The following SAG variants were observed in gnomAD, a reference collection of about 807,000 sequenced individuals.
SAG encodes the protein S-antigen visual arrestin, also known as S-arrestin.
SAG carries 45 observed loss-of-function variants against 55.0 expected under a neutral mutation model. That is an observed-to-expected ratio of 0.82 (90% CI 0.64 to 1.05). The LOEUF (loss-of-function observed/expected upper bound fraction) is 1.05, where lower values mean the gene tolerates loss of function less well. Among genes scored for constraint, SAG ranks in the 50% least tolerant of loss-of-function variants. The probability of loss-of-function intolerance (pLI) is 0.00; values close to 1 mark genes in which losing one functional copy is unlikely to be tolerated. For synonymous variants in SAG, 189 were observed against 197.4 expected (o/e 0.96, Z 0.36); for missense variants, 455 against 512.1 (o/e 0.89, Z 1.08).
At chr2:233,322,185 CAAAAAA>C (rs35197599) in intron 5 of SAG, among the ~76,000 whole-genome samples, 1 of 66,108 alleles carries the variant, frequency 1.5e-5, no homozygotes. Context: ...GACTCTGTCT[CAAAAAA>C]AAAAAAAAAA....
chr2:233,339,537 G>GTTTT (rs10711990), intron 12 of SAG, among the ~76,000 whole-genome samples: 4 of 129,310 alleles, frequency 3.1e-5, no homozygotes, highest in African/African-American at 1.2e-4. Flanking sequence ...TTAGCATAGT[G>GTTTT]TTTTTTTTTT....
chr2:233,315,764 G>A (rs1482223510), intron 2 of SAG, among the ~76,000 whole-genome samples: 12 of 149,750 alleles, frequency 8.0e-5, no homozygotes, highest in South Asian at 2.1e-4. Context: ...GTGCAGTGGC[G>A]TGCTCTTGGC....
Position 233,319,559 on chromosome 2 carries a change from GA to G in SAG, c.181+766del. Reference sequence around the variant, plus strand: ...GTTCAGAACCCTGGATGTGCCACTGGAATACGTCAGCTATGGGGCCATCAGC... The same window carrying G: ...GTTCAGAACCCTGGATGTGCCACTGGATACGTCAGCTATGGGGCCATCAGC... On this transcript the variant is annotated intron_variant, in intron 4 of 15. Transcript: ENST00000409110. This position sits in a 1 kb window ranked among gnomAD's most constrained non-coding sequence, Gnocchi z 4.4. The G allele has an allele frequency of 2.0e-6, 2 of 987,778 alleles. No homozygotes were observed. Among genetic ancestry groups the G allele is most frequent in the Non-Finnish European group, 2.4e-6 (2 of 831,564 alleles). The allele number at this position is 987,778 out of a possible 1,614,324, so 61.2% of individuals were successfully genotyped here.
intron 11 of SAG, among the ~76,000 whole-genome samples, chr2:233,336,287 G>A (rs1300001862): frequency 1.3e-5 from 2 of 152,124 alleles, no homozygotes; most frequent in Non-Finnish European, 2.9e-5. Context: ...GGCTGAGGCG[G>A]GTGGATCACC....
chr2:233,334,544 C>G (rs940134774), intron 10 of SAG: 4 of 167,640 alleles, frequency 2.4e-5, no homozygotes, highest in Non-Finnish European at 3.9e-5. Flanking sequence ...CACACTGTGA[C>G]CCCCTTATAG....
At chr2:233,310,504 G>A (rs1170588857) in intron 2 of SAG, among the ~76,000 whole-genome samples, 5 of 143,498 alleles carry the variant, frequency 3.5e-5, no homozygotes, top group Admixed American at 2.8e-4. Flanking sequence ...CCATCATTCT[G>A]GCTTTTTTTT....
At chr2:233,342,597 G>A in intron 14 of SAG, 1 of 457,832 alleles carries the variant, frequency 2.2e-6, no homozygotes, top group East Asian at 3.9e-5. Flanking sequence ...GTTTTATCAT[G>A]AATGATTTAA....
Position 233,319,048 on chromosome 2 carries a change from G to A in SAG, c.181+253G>A, listed in dbSNP as rs188670669. 7.4e-5 allele frequency: 50 copies of A among 673,176 alleles called. No homozygotes were observed. The highest frequency in any genetic ancestry group is 5.5e-4 in the African/African-American group (31 of 56,564). The allele number at this position is 673,176 out of a possible 1,614,324, so 41.7% of individuals were successfully genotyped here. A position where few individuals can be genotyped will look rare whatever the true frequency, so the allele number is the denominator to read the frequency against. ...GGTGGCAGATAAGTAGATGGTAGAC[G>A]GAGCCCAGGTCTGTGGCCCCCATTC... On this transcript the variant is annotated intron_variant, in intron 4 of 15. Coordinates refer to ENST00000409110, the MANE Select transcript of SAG (RefSeq NM_000541.5). This position sits in a 1 kb window ranked among gnomAD's most constrained non-coding sequence, Gnocchi z 4.4.
At chr2:233,321,955 TAA>T (rs1331287342) in intron 5 of SAG, among the ~76,000 whole-genome samples, 1 of 150,490 alleles carries the variant, frequency 6.6e-6, no homozygotes, top group African/African-American at 2.4e-5. Flanking sequence ...CCATCTTGGC[TAA>T]CATGGTGAAA....
chr2:233,319,654 G>T lies in SAG; in HGVS notation c.181+859G>T. The T allele has an allele frequency of 1.0e-6, 1 of 986,072 alleles. No individual in the cohort carries two copies. The highest frequency in any genetic ancestry group is 4.7e-5 in the South Asian group (1 of 21,312). 61.1% of individuals were successfully genotyped at this position (986,072 alleles called of 1,614,324 possible). A position where few individuals can be genotyped will look rare whatever the true frequency, so the allele number is the denominator to read the frequency against. Reference sequence around the variant, plus strand: ...TGTCCTCTCCACCTTCCTCCTGGGTGCCCTGCTCCTCTCTGGACCAGGAGG... The same window carrying T: ...TGTCCTCTCCACCTTCCTCCTGGGTTCCCTGCTCCTCTCTGGACCAGGAGG... On this transcript the variant is annotated intron_variant, in intron 4 of 15. Coordinates refer to ENST00000409110, the MANE Select transcript of SAG (RefSeq NM_000541.5). This position sits in a 1 kb window ranked among gnomAD's most constrained non-coding sequence, Gnocchi z 4.4.
Position 233,340,132 on chromosome 2 carries a change from T to C in SAG, c.1023-323T>C, listed in dbSNP as rs1701054734. 6.6e-6 allele frequency among the ~76,000 whole-genome samples: 1 copy of C among 151,802 alleles called. No homozygotes were observed. Among genetic ancestry groups the C allele is most frequent in the Admixed American group, 6.6e-5 (1 of 15,238 alleles). On this transcript the variant is annotated intron_variant, in intron 12 of 15. Transcript: ENST00000409110. The surrounding 1 kb of genome is among the most constrained non-coding windows in gnomAD (Gnocchi z 4.2). Reference sequence around the variant, plus strand: ...CCACCATGCCCGGCTAATTTTTGTATTTTTAGTAGAGATGGGGTTTTACCA... The same window carrying C: ...CCACCATGCCCGGCTAATTTTTGTACTTTTAGTAGAGATGGGGTTTTACCA...
intron 5 of SAG, among the ~76,000 whole-genome samples, chr2:233,321,231 G>T (rs1700371135): frequency 6.6e-6 from 1 of 152,142 alleles, no homozygotes; most frequent in Non-Finnish European, 1.5e-5. Flanking sequence ...CACAGCTTGG[G>T]GGATCACAGG....
chr2:233,346,406 A>T lies in SAG; in HGVS notation c.1106A>T (p.Lys369Met). ...LMHPQPEDPA[K>M]ESYQDANLVF... ...CCCTTTTATTCCATGCTTACAGCTA[A>T]GGAAAGGTGAGTGAGCCTCTTGAAT... Residue 369 changes from lysine to methionine, a missense_variant, in exon 15 of 16, where the codon AAG becomes ATG. Transcript: ENST00000409110. The T allele has an allele frequency of 1.9e-6, 3 of 1,613,772 alleles. No individual in the cohort carries two copies. The highest frequency in any genetic ancestry group is 2.5e-6 in the Non-Finnish European group (3 of 1,179,708).
intron 6 of SAG, among the ~76,000 whole-genome samples, chr2:233,323,519 A>T (rs985561329): frequency 6.6e-6 from 1 of 151,224 alleles, no homozygotes; most frequent in Non-Finnish European, 1.5e-5. Flanking sequence ...GTGGGTCACC[A>T]TGCCTGGCTA....
At chr2:233,308,990 A>G in intron 1 of SAG, 172 bp from the exon 2 acceptor site, 2 of 516,142 alleles carry the variant, frequency 3.9e-6, no homozygotes, top group East Asian at 3.1e-5. Context: ...GCAGTAAAAT[A>G]CAAACTAAGC....
intron 2 of SAG, among the ~76,000 whole-genome samples, chr2:233,312,691 TC>T (rs1232124341): frequency 1.3e-5 from 2 of 152,178 alleles, no homozygotes; most frequent in Non-Finnish European, 2.9e-5. Context: ...CATTGGCAGT[TC>T]CAGAAGCATT....
intron 9 of SAG, among the ~76,000 whole-genome samples, chr2:233,330,492 C>T (rs1700719940): frequency 7.7e-6 from 1 of 130,102 alleles, no homozygotes; most frequent in Non-Finnish European, 1.6e-5. Flanking sequence ...TTCCTTCCTT[C>T]CTTCCTTCCT....
chr2:233,311,864 G>A (rs1700083788), intron 2 of SAG, among the ~76,000 whole-genome samples: 1 of 152,160 alleles, frequency 6.6e-6, no homozygotes, highest in Non-Finnish European at 1.5e-5. Context: ...GGTGGTTTAT[G>A]CCTGTAATCC....
At position 233,339,157 on chromosome 2, in the gene SAG, CT is replaced by C. The variant is rs545817169; in HGVS notation, c.1022+407del. On this transcript the variant is annotated intron_variant, in intron 12 of 15. Transcript: ENST00000409110. ...AAGGTATCCATCCATAAAGTGGGGA[CT>C]TTCCCCTCCCCTCTCACACATGTAA... 1.4e-3 allele frequency among the ~76,000 whole-genome samples: 218 copies of C among 152,326 alleles called. 1 individual carries two copies. The highest frequency in any genetic ancestry group is 5.0e-3 in the African/African-American group (208 of 41,558).
Sources: gnomAD v4.1 joint callset for allele counts (sites outside exome capture counted in the v4.1 genomes callset) on GRCh38, gnomAD v4.1.1 for gene constraint, Gnocchi (gnomAD v3.1) non-coding constraint, MANE v1.5 for transcripts, NCBI Gene and HGNC (gene_info 2026-07-23, HGNC 2026-07-21) for gene names.